Variants in TDRD3 observed in about 807,000 individuals in gnomAD.
TDRD3 encodes the protein tudor domain containing 3, also known as tudor domain-containing protein 3.
TDRD3 carries 45 observed loss-of-function variants against 86.7 expected under a neutral mutation model. The observed-to-expected ratio is 0.52, with a 90% CI of 0.41 to 0.67. TDRD3 has a LOEUF of 0.67. TDRD3 is among the 30% of genes least tolerant of loss of function. TDRD3 has a pLI of 0.00. For missense variants in TDRD3, 814 were observed against 889.0 expected, an observed-to-expected ratio of 0.92 and a Z score of 1.07; for synonymous variants, 298 against 301.7, an observed-to-expected ratio of 0.99 and a Z score of 0.13.
intron 12 of TDRD3, among the ~76,000 whole-genome samples, chr13:60,562,328 C>T (rs777417329): frequency 1.3e-5 from 2 of 150,130 alleles, no homozygotes; most frequent in South Asian, 2.1e-4. Flanking sequence ...CCCCCACCCC[C>T]GGCAAAAAAA....
At chr13:60,561,788 A>G (rs1262151047) in intron 12 of TDRD3, among the ~76,000 whole-genome samples, 1 of 152,048 alleles carries the variant, frequency 6.6e-6, no homozygotes, top group Non-Finnish European at 1.5e-5. Context: ...ATAGCCTCTT[A>G]GTTTGACTAA....
chr13:60,497,722 G>C (rs1956748196), intron 8 of TDRD3, among the ~76,000 whole-genome samples: 1 of 152,174 alleles, frequency 6.6e-6, no homozygotes, highest in Non-Finnish European at 1.5e-5. Context: ...GAATGGGGAT[G>C]TGTGGGTGGG....
At chr13:60,408,624 T>C (rs1021868545) in intron 1 of TDRD3, among the ~76,000 whole-genome samples, 1 of 152,138 alleles carries the variant, frequency 6.6e-6, no homozygotes, top group Non-Finnish European at 1.5e-5. Context: ...GCCCTAGAGA[T>C]TTGTGGAACT....
intron 8 of TDRD3, chr13:60,509,444 A>G: frequency 5.3e-6 from 1 of 189,500 alleles, no homozygotes; most frequent in Non-Finnish European, 1.1e-5. Flanking sequence ...ACCATGAAAA[A>G]TTTTCATTAA....
At chr13:60,534,016 A>G (rs150946576) in intron 11 of TDRD3, among the ~76,000 whole-genome samples, 1 of 152,322 alleles carries the variant, frequency 6.6e-6, no homozygotes, top group East Asian at 1.9e-4. Context: ...TAAATTTTAA[A>G]ATTGTAGTTA....
At chr13:60,423,803 G>C (rs1473163751) in intron 1 of TDRD3, among the ~76,000 whole-genome samples, 2 of 152,090 alleles carry the variant, frequency 1.3e-5, no homozygotes, top group Non-Finnish European at 2.9e-5. Flanking sequence ...GCAGTGATTA[G>C]AGGAAAATTT....
At chr13:60,417,924 A>G (rs1011074355) in intron 1 of TDRD3, among the ~76,000 whole-genome samples, 1 of 151,976 alleles carries the variant, frequency 6.6e-6, no homozygotes, top group African/African-American at 2.4e-5. Context: ...AGACCTGCCA[A>G]TTTTACCTTC....
At chr13:60,562,450 TA>T (rs1337846021) in intron 12 of TDRD3, among the ~76,000 whole-genome samples, 4 of 152,212 alleles carry the variant, frequency 2.6e-5, no homozygotes, top group African/African-American at 9.6e-5. Flanking sequence ...TAAGTTTTAT[TA>T]AAGTCCATTA....
intron 8 of TDRD3, among the ~76,000 whole-genome samples, chr13:60,499,874 G>T (rs768975677): frequency 6.6e-6 from 1 of 152,208 alleles, no homozygotes; most frequent in Non-Finnish European, 1.5e-5. Flanking sequence ...GATTTATCAA[G>T]TGACCCAAAA....
Position 60,456,351 on chromosome 13 carries a change from C to T in TDRD3, c.193-4029C>T, listed in dbSNP as rs568035797. ...TAGGAGTTTAGATGACAGAGGTATTCGTCTACCTCAGGAGAAGAAGGAATG... is the reference window on the plus strand; with the variant it reads ...TAGGAGTTTAGATGACAGAGGTATTTGTCTACCTCAGGAGAAGAAGGAATG... On this transcript the variant is annotated intron_variant, in intron 3 of 13. Coordinates refer to ENST00000377881, the MANE Select transcript of TDRD3 (RefSeq NM_001146070.2). Among the ~76,000 whole-genome samples, 333 of 152,210 alleles carry T rather than the reference C, an allele frequency of 2.2e-3. 3 individuals carry two copies. Among genetic ancestry groups the T allele is most frequent in the African/African-American group, 7.5e-3 (313 of 41,554 alleles).
chr13:60,534,437 C>T (rs1020452311), intron 11 of TDRD3, among the ~76,000 whole-genome samples: 21 of 152,112 alleles, frequency 1.4e-4, no homozygotes, highest in Admixed American at 2.0e-4. Flanking sequence ...GATAAGCCTC[C>T]GGACTTGCAA....
At chr13:60,458,899 C>T (rs1955739241) in intron 3 of TDRD3, among the ~76,000 whole-genome samples, 2 of 152,232 alleles carry the variant, frequency 1.3e-5, no homozygotes, top group South Asian at 2.1e-4. Flanking sequence ...CCATAACATG[C>T]CTGTGATTTA....
chr13:60,519,740 T>A (rs928599287), intron 10 of TDRD3, among the ~76,000 whole-genome samples: 3 of 152,220 alleles, frequency 2.0e-5, no homozygotes, highest in Non-Finnish European at 1.5e-5. Flanking sequence ...GTGCTAGTTG[T>A]GTGACCTTGT....
rs150171534 is a variant in TDRD3, at chr13:60,552,895, A to G, written c.2119-14630A>G. On this transcript the variant is annotated intron_variant, in intron 12 of 13. Transcript: ENST00000377881. ...TGGCTGGAGCTGGGGTGGCTGGGAT[A>G]CAGGACACCAAGTTCTGGGGCTGCA... Among the ~76,000 whole-genome samples the G allele has an allele frequency of 4.9e-3, 753 of 152,288 alleles. 3 individuals carry two copies. The highest frequency in any genetic ancestry group is 0.024 in the Middle Eastern group (7 of 294).
At chr13:60,449,673 A>G (rs994279721) in intron 3 of TDRD3, among the ~76,000 whole-genome samples, 1 of 152,134 alleles carries the variant, frequency 6.6e-6, no homozygotes, top group Non-Finnish European at 1.5e-5. Flanking sequence ...AACCTATTCA[A>G]GATTATGTTG....
chr13:60,504,627 T>C (rs1956897029), intron 8 of TDRD3, among the ~76,000 whole-genome samples: 1 of 152,234 alleles, frequency 6.6e-6, no homozygotes, highest in Admixed American at 6.5e-5. Context: ...TAAAAAAATA[T>C]TTGATTCGGT....
intron 8 of TDRD3, among the ~76,000 whole-genome samples, chr13:60,504,645 G>A (rs1956897542): frequency 6.6e-6 from 1 of 152,202 alleles, no homozygotes; most frequent in South Asian, 2.1e-4. Context: ...GGTGGTGGCT[G>A]GCAAGATGGC....
At chr13:60,497,112 A>G (rs943438978) in intron 8 of TDRD3, among the ~76,000 whole-genome samples, 44 of 152,292 alleles carry the variant, frequency 2.9e-4, no homozygotes, top group African/African-American at 1.0e-3. Flanking sequence ...TCAGAAACAC[A>G]GTGGACACCC....
chr13:60,523,733 C>T (rs558108432), intron 10 of TDRD3, among the ~76,000 whole-genome samples: 3 of 151,962 alleles, frequency 2.0e-5, no homozygotes, highest in Admixed American at 6.6e-5. Context: ...CATGCCACCA[C>T]GCCCAGCTAA....
Sources: allele counts gnomAD v4.1 joint callset (sites outside exome capture counted in the v4.1 genomes callset), GRCh38; gene constraint gnomAD v4.1.1; transcripts MANE v1.5; gene names NCBI Gene and HGNC (gene_info 2026-07-23, HGNC 2026-07-21).